Variants in ARID2 observed in about 807,000 individuals in gnomAD.
ARID2 encodes AT-rich interaction domain 2.
In ARID2, 32 loss-of-function variants were observed where a neutral mutation model predicts 184.6. That is an observed-to-expected ratio of 0.17 (90% CI 0.13 to 0.23). The LOEUF is 0.23. ARID2 is among the 10% of genes least tolerant of loss of function. ARID2 has a pLI of 1.00. For missense variants in ARID2, 1,696 were observed against 2,197.6 expected, an observed-to-expected ratio of 0.77 and a Z score of 4.56; for synonymous variants, 836 against 772.6, an observed-to-expected ratio of 1.08 and a Z score of -1.36.
chr12:45,816,738 T>C (rs1356618265), intron 4 of ARID2, among the ~76,000 whole-genome samples: 1 of 152,190 alleles, frequency 6.6e-6, no homozygotes, highest in Non-Finnish European at 1.5e-5. Context: ...CTGATGCACT[T>C]ATCAACATGG....
At chr12:45,853,749 GAC>G (rs1943597611) in intron 15 of ARID2, among the ~76,000 whole-genome samples, 1 of 152,168 alleles carries the variant, frequency 6.6e-6, no homozygotes, top group Admixed American at 6.5e-5. Flanking sequence ...CAACTCTGCT[GAC>G]ACAGTTCTGG....
chr12:45,828,851 G>A (rs1472140217), intron 6 of ARID2, among the ~76,000 whole-genome samples: 1 of 151,746 alleles, frequency 6.6e-6, no homozygotes, highest in Non-Finnish European at 1.5e-5. Context: ...TTTTTAAGAT[G>A]TTGGAAATAT....
chr12:45,862,971 C>T (rs1456920581), intron 16 of ARID2, among the ~76,000 whole-genome samples: 2 of 152,074 alleles, frequency 1.3e-5, no homozygotes, highest in African/African-American at 4.8e-5. Context: ...GTTAAGCATC[C>T]TCTACGAGGG....
intron 3 of ARID2, among the ~76,000 whole-genome samples, chr12:45,790,991 T>C (rs1318021873): frequency 2.0e-5 from 3 of 152,234 alleles, no homozygotes; most frequent in Admixed American, 6.5e-5. Flanking sequence ...AATGCTGTTA[T>C]GAACATGAGT....
chr12:45,847,997 C>A (rs1332385959), intron 12 of ARID2, among the ~76,000 whole-genome samples: 4 of 151,934 alleles, frequency 2.6e-5, no homozygotes, highest in Non-Finnish European at 5.9e-5. Context: ...AGAATACACA[C>A]CATAACCACT....
At chr12:45,758,505 C>T (rs1269244312) in intron 3 of ARID2, among the ~76,000 whole-genome samples, 1 of 152,090 alleles carries the variant, frequency 6.6e-6, no homozygotes, top group African/African-American at 2.4e-5. Context: ...CCCTGCTCTA[C>T]AAGATAATAG....
chr12:45,878,411 C>G (rs1944046162), intron 16 of ARID2, among the ~76,000 whole-genome samples: 1 of 152,080 alleles, frequency 6.6e-6, no homozygotes, highest in African/African-American at 2.4e-5. Context: ...CTGTTTGTTT[C>G]CTCTATTCTT....
chr12:45,825,719 T>C (rs1402886064), intron 6 of ARID2, among the ~76,000 whole-genome samples: 1 of 152,048 alleles, frequency 6.6e-6, no homozygotes, highest in Non-Finnish European at 1.5e-5. Context: ...AAATAATTAG[T>C]TGGGCATCGT....
chr12:45,893,184 T>C lies in ARID2; in HGVS notation c.5148-236T>C, dbSNP rs150665483. 7.0e-3 allele frequency among the ~76,000 whole-genome samples: 1,073 copies of C among 152,352 alleles called. 10 individuals carry two copies. The highest frequency in any genetic ancestry group is 0.024 in the African/African-American group (1,013 of 41,576). The stretch of plus-strand genomic sequence containing the variant: ...TTAAAGATGGAACATCTGTTTGCTT[T>C]AAAATTGATAGATTGGAAAATAAAA... On this transcript the variant is annotated intron_variant, in intron 18 of 20. Coordinates refer to ENST00000334344, the MANE Select transcript of ARID2 (RefSeq NM_152641.4).
chr12:45,807,734 G>C (rs948712285), intron 3 of ARID2, among the ~76,000 whole-genome samples: 1 of 152,080 alleles, frequency 6.6e-6, no homozygotes, highest in African/African-American at 2.4e-5. Context: ...TGTGTGAATT[G>C]ATACATGATC....
chr12:45,746,916 GC>G (rs1941369751), intron 3 of ARID2, among the ~76,000 whole-genome samples: 1 of 152,066 alleles, frequency 6.6e-6, no homozygotes, highest in Non-Finnish European at 1.5e-5. Flanking sequence ...ACAGGCGCTC[GC>G]CACCATGCCC....
At chr12:45,893,299 C>G (rs1294202652) in intron 18 of ARID2, 121 bp from the exon 19 acceptor site, 1 of 1,221,874 alleles carries the variant, frequency 8.2e-7, no homozygotes, top group East Asian at 2.7e-5. Context: ...GACCTTTAGT[C>G]ACCCTGTAAA....
chr12:45,879,630 A>G (rs1221091274), intron 16 of ARID2, among the ~76,000 whole-genome samples: 1 of 152,186 alleles, frequency 6.6e-6, no homozygotes, highest in Non-Finnish European at 1.5e-5. Flanking sequence ...CAGTTCTCTG[A>G]CAGATCCAGG....
intron 16 of ARID2, among the ~76,000 whole-genome samples, chr12:45,887,788 A>C (rs574527706): frequency 3.3e-5 from 5 of 152,318 alleles, no homozygotes; most frequent in African/African-American, 1.2e-4. Flanking sequence ...CCGTCCTTCC[A>C]GTGCAGAGGC....
chr12:45,736,057 G>T (rs147280583), intron 3 of ARID2, among the ~76,000 whole-genome samples: 5 of 152,128 alleles, frequency 3.3e-5, no homozygotes, highest in African/African-American at 1.2e-4. Context: ...TAACGTCTTT[G>T]ATAGACAAGT....
In ARID2 at chr12:45,742,378, C is replaced by T. The variant is rs192131111; in HGVS notation, c.284+11064C>T. Among the ~76,000 whole-genome samples, 347 of 152,254 alleles carry T rather than the reference C, an allele frequency of 2.3e-3. 3 individuals carry two copies. In the Middle Eastern group the frequency reaches 0.024, roughly 10 times the overall value. On this transcript the variant is annotated intron_variant, in intron 3 of 20. Transcript: ENST00000334344. The stretch of plus-strand genomic sequence containing the variant: ...TGTATAGGTATGTAGCTTAGAGCAG[C>T]GGGCTATGCCTTATAGCCTAGGTAT...
intron 3 of ARID2, among the ~76,000 whole-genome samples, chr12:45,801,216 G>A (rs1214351998): frequency 6.6e-5 from 10 of 152,110 alleles, no homozygotes; most frequent in East Asian, 5.8e-4. Context: ...GTAGGCTGAG[G>A]CAGGAGAATG....
At chr12:45,811,943 A>G (rs1942717259) in intron 4 of ARID2, among the ~76,000 whole-genome samples, 1 of 152,188 alleles carries the variant, frequency 6.6e-6, no homozygotes, top group African/African-American at 2.4e-5. Context: ...CAGAATTCTC[A>G]GAAATGTTTC....
intron 5 of ARID2, among the ~76,000 whole-genome samples, chr12:45,819,400 G>T (rs189208789): frequency 1.2e-4 from 19 of 152,244 alleles, no homozygotes; most frequent in Admixed American, 1.2e-3. Flanking sequence ...GTCACAGAAA[G>T]TTTAGTTCCA....
Sources: gnomAD v4.1 joint callset for allele counts (sites outside exome capture counted in the v4.1 genomes callset) on GRCh38, gnomAD v4.1.1 for gene constraint, MANE v1.5 for transcripts, NCBI Gene and HGNC (gene_info 2026-07-23, HGNC 2026-07-21) for gene names.